DIAPH2: variants seen among roughly 807,000 people sequenced by gnomAD.
The protein encoded by DIAPH2 is protein diaphanous homolog 2.
DIAPH2 carries 35 observed loss-of-function variants against 92.7 expected under a neutral mutation model. The observed-to-expected ratio is 0.38, with a 90% CI of 0.29 to 0.50. The LOEUF (loss-of-function observed/expected upper bound fraction) is 0.50. Among genes scored for constraint, DIAPH2 ranks in the 20% least tolerant of loss-of-function variants. The pLI is 0.94. For missense variants in DIAPH2, 701 were observed against 819.5 expected, an observed-to-expected ratio of 0.86 and a Z score of 1.77; for synonymous variants, 301 against 280.4, an observed-to-expected ratio of 1.07 and a Z score of -0.73.
intron 5 of DIAPH2, among the ~76,000 whole-genome samples, chrX:96,891,008 C>T (rs1044163747): frequency 4.5e-5 from 5 of 111,173 alleles, no homozygotes; most frequent in African/African-American, 1.6e-4. Flanking sequence ...AAGGGACCCT[C>T]TTACCCTCTT....
chrX:97,551,420 T>C (rs773999443), intron 26 of DIAPH2, among the ~76,000 whole-genome samples: 1 of 109,583 alleles, frequency 9.1e-6, no homozygotes, highest in South Asian at 4.0e-4. Flanking sequence ...TGAAAACCCA[T>C]CTCTACTAAA....
chrX:97,086,351 T>C (rs759700623), intron 19 of DIAPH2, among the ~76,000 whole-genome samples: 43 of 111,617 alleles, frequency 3.9e-4, no homozygotes, highest in African/African-American at 1.3e-3. Flanking sequence ...GTCAAACTCA[T>C]AGAAGCACAG....
chrX:96,925,185 G>A (rs1286805697), intron 9 of DIAPH2, among the ~76,000 whole-genome samples: 2 of 110,220 alleles, frequency 1.8e-5, no homozygotes, highest in Non-Finnish European at 3.8e-5. Flanking sequence ...GACCCCATAT[G>A]TTCAGCTGCC....
intron 26 of DIAPH2, among the ~76,000 whole-genome samples, chrX:97,480,441 C>A (rs894074258): frequency 9.0e-6 from 1 of 111,300 alleles, no homozygotes; most frequent in Non-Finnish European, 1.9e-5. Flanking sequence ...GTAAGTCACC[C>A]AGTCTGTCAT....
Position 96,857,969 on chromosome X carries a change from C to T in DIAPH2, c.448-23610C>T, listed in dbSNP as rs139061569. On this transcript the variant is annotated intron_variant, in intron 4 of 26. Coordinates refer to ENST00000324765, the MANE Select transcript of DIAPH2 (RefSeq NM_006729.5). ...TCCAGTAGAGGGAGTCAACCATTTG[C>T]ATGTTATAAAAACCAGATCTAAATT... 7.9e-3 allele frequency among the ~76,000 whole-genome samples: 885 copies of T among 112,194 alleles called. 26 individuals are homozygous for T. Among genetic ancestry groups the T allele is most frequent in the Admixed American group, 0.063 (664 of 10,535 alleles).
At chrX:97,467,266 A>G (rs2070521275) in intron 26 of DIAPH2, among the ~76,000 whole-genome samples, 1 of 112,241 alleles carries the variant, frequency 8.9e-6, no homozygotes, top group Non-Finnish European at 1.9e-5. Flanking sequence ...CGTGATGCTC[A>G]TTTAATTCTA....
chrX:97,390,833 G>A (rs887664635), intron 25 of DIAPH2, among the ~76,000 whole-genome samples: 39 of 112,026 alleles, frequency 3.5e-4, no homozygotes, highest in African/African-American at 1.1e-3. Flanking sequence ...CATTGAGACC[G>A]TAAGATAAAT....
intron 17 of DIAPH2, among the ~76,000 whole-genome samples, chrX:96,998,812 G>A (rs1164498617): frequency 9.0e-6 from 1 of 111,682 alleles, no homozygotes; most frequent in Non-Finnish European, 1.9e-5. Context: ...GTCTGATCTT[G>A]GGTATGATGT....
At chrX:97,177,097 G>A (rs937309892) in intron 22 of DIAPH2, among the ~76,000 whole-genome samples, 3 of 110,833 alleles carry the variant, frequency 2.7e-5, no homozygotes, top group African/African-American at 9.9e-5. Context: ...TTTTTGATTC[G>A]TGGTTGGTTG....
chrX:97,042,875 T>G (rs2066456699), intron 17 of DIAPH2, among the ~76,000 whole-genome samples: 1 of 112,053 alleles, frequency 8.9e-6, no homozygotes, highest in African/African-American at 3.2e-5. Context: ...CCATTGAAGA[T>G]ACTTTTATTT....
chrX:97,394,856 C>G (rs935716083), intron 25 of DIAPH2, among the ~76,000 whole-genome samples: 1 of 111,619 alleles, frequency 9.0e-6, no homozygotes, highest in Admixed American at 9.6e-5. Flanking sequence ...ATCTCTCCAT[C>G]ATTGGTTTAG....
At chrX:96,758,296 C>A in intron 4 of DIAPH2, 38 bp downstream of exon 4, 1 of 1,112,025 alleles carries the variant, frequency 9.0e-7, no homozygotes, top group Non-Finnish European at 1.2e-6. Flanking sequence ...ACAGAATGAG[C>A]AATGAGCTTA....
At position 96,738,606 on chromosome X, in the gene DIAPH2, T is replaced by C. The variant is rs771822554; in HGVS notation, c.186T>C (p.Phe62=). Residue 62 remains phenylalanine, a synonymous_variant, in exon 3 of 27, where the codon TTT becomes TTC. Coordinates refer to ENST00000324765, the MANE Select transcript of DIAPH2 (RefSeq NM_006729.5). ...ADDVRDRITS[F]RKSTVKKEKP... ...TGCAGCGTGACCGAATTACAAGTTT[T>C]AGAAAATCTACTGTCAAAAAAGAAA... 2.5e-6 allele frequency: 3 copies of C among 1,199,335 alleles called. No individual in the cohort carries two copies. The South Asian group carries it at 5.6e-5, about 22-fold the overall frequency.
chrX:96,815,283 G>A (rs1475271022), intron 4 of DIAPH2, among the ~76,000 whole-genome samples: 3 of 111,784 alleles, frequency 2.7e-5, no homozygotes, highest in Admixed American at 9.4e-5. Context: ...CTCGCAGGTC[G>A]ATCTGTGCTA....
chrX:96,807,462 T>C (rs1485400319), intron 4 of DIAPH2, among the ~76,000 whole-genome samples: 1 of 111,615 alleles, frequency 9.0e-6, no homozygotes, highest in Non-Finnish European at 1.9e-5. Context: ...AGAAAATAGT[T>C]TGATTGGCTA....
intron 26 of DIAPH2, among the ~76,000 whole-genome samples, chrX:97,595,634 CTTTTTCT>C (rs1387360201): frequency 2.0e-5 from 2 of 102,080 alleles, no homozygotes; most frequent in African/African-American, 3.6e-5. Context: ...TTTTTCTTTT[CTTTTTCT>C]TTTTTCTTTT....
intron 4 of DIAPH2, among the ~76,000 whole-genome samples, chrX:96,807,347 A>T (rs1390026854): frequency 9.0e-6 from 1 of 111,681 alleles, no homozygotes; most frequent in Non-Finnish European, 1.9e-5. Flanking sequence ...TATTTTAGCA[A>T]ATAAACTCTT....
At chrX:97,152,988 A>G (rs1426261093) in intron 22 of DIAPH2, among the ~76,000 whole-genome samples, 2 of 112,092 alleles carry the variant, frequency 1.8e-5, no homozygotes, top group Non-Finnish European at 3.8e-5. Flanking sequence ...GATGAGAATC[A>G]GGACACACAC....
intron 9 of DIAPH2, among the ~76,000 whole-genome samples, chrX:96,927,191 T>G (rs1446923295): frequency 2.7e-5 from 3 of 110,963 alleles, no homozygotes; most frequent in Admixed American, 9.6e-5. Flanking sequence ...GGTTTTCAGT[T>G]TCTTTACTTT....
Sources: allele counts gnomAD v4.1 joint callset (sites outside exome capture counted in the v4.1 genomes callset), GRCh38; gene constraint gnomAD v4.1.1; transcripts MANE v1.5; gene names NCBI Gene and HGNC (gene_info 2026-07-23, HGNC 2026-07-21).